GALNT13: variants seen among roughly 807,000 people sequenced by gnomAD.
GALNT13 encodes the protein UDP-GalNAc:polypeptide N-acetylgalactosaminyltransferase 13.
Under a neutral mutation model 64.2 loss-of-function variants are expected in GALNT13, and 28 were observed. The ratio of observed to expected loss-of-function variants is 0.44; its 90% CI spans 0.32 to 0.60. The LOEUF is 0.60. Ranked by LOEUF, GALNT13 falls within the 20% of genes least tolerant of loss-of-function variation. GALNT13 has a pLI of 0.05. For synonymous variants in GALNT13, 214 were observed against 224.6 expected (o/e 0.95, Z 0.42); for missense variants, 577 against 669.8 (o/e 0.86, Z 1.53).
chr2:154,229,543 C>G (rs1688805730), intron 4 of GALNT13, among the ~76,000 whole-genome samples: 1 of 152,012 alleles, frequency 6.6e-6, no homozygotes, highest in Non-Finnish European at 1.5e-5. Flanking sequence ...TGCCCAATAT[C>G]CTATTTATAT....
chr2:154,054,352 T>G (rs1233515258), intron 3 of GALNT13, among the ~76,000 whole-genome samples: 1 of 152,048 alleles, frequency 6.6e-6, no homozygotes, highest in East Asian at 1.9e-4. Flanking sequence ...TTCATTTTTA[T>G]TTTTATGTTA....
chr2:153,073,552 C>T, the GALNT13 span, among the ~76,000 whole-genome samples: 70,817 of 151,662 alleles, frequency 0.47, 17,311 homozygotes, highest in East Asian at 0.6. Flanking sequence ...ACTCATGTTT[C>T]ATCTATATCC....
At chr2:154,430,477 T>G (rs906929116) in intron 11 of GALNT13, among the ~76,000 whole-genome samples, 1 of 152,196 alleles carries the variant, frequency 6.6e-6, no homozygotes, top group Non-Finnish European at 1.5e-5. Flanking sequence ...GCTAAAACTT[T>G]AATGAATGAG....
the GALNT13 span, among the ~76,000 whole-genome samples, chr2:153,826,938 CAGAA>C: frequency 1.2e-4 from 18 of 151,970 alleles, no homozygotes. Context: ...CAGAATGAAA[CAGAA>C]GGAAGACAAA....
chr2:153,441,759 G>T, the GALNT13 span, among the ~76,000 whole-genome samples: 1 of 152,046 alleles, frequency 6.6e-6, no homozygotes, highest in Admixed American at 6.5e-5. Context: ...GTCTATTATT[G>T]GTATATAGGA....
chr2:154,383,249 TAGTG>T (rs1005962136), intron 9 of GALNT13, among the ~76,000 whole-genome samples: 2 of 151,964 alleles, frequency 1.3e-5, no homozygotes, highest in African/African-American at 2.4e-5. Context: ...GGGTAACATT[TAGTG>T]AGTATTTACT....
intron 2 of GALNT13, among the ~76,000 whole-genome samples, chr2:153,930,226 T>G (rs1178275412): frequency 6.6e-6 from 1 of 152,188 alleles, no homozygotes; most frequent in Non-Finnish European, 1.5e-5. Flanking sequence ...TCCTTATAGA[T>G]TCTGAATATT....
At chr2:153,411,176 TATA>T in the GALNT13 span, among the ~76,000 whole-genome samples, 22 of 86,026 alleles carry the variant, frequency 2.6e-4, no homozygotes, top group African/African-American at 3.8e-4. Context: ...TATATATATA[TATA>T]TTTTTTTTTT....
At chr2:153,694,395 G>T in the GALNT13 span, among the ~76,000 whole-genome samples, 1 of 152,070 alleles carries the variant, frequency 6.6e-6, no homozygotes, top group African/African-American at 2.4e-5. Context: ...CAACTAAAAA[G>T]TTCAGGACTG....
At chr2:154,439,558 G>A (rs1701177710) in intron 12 of GALNT13, among the ~76,000 whole-genome samples, 1 of 152,136 alleles carries the variant, frequency 6.6e-6, no homozygotes, top group South Asian at 2.1e-4. Context: ...AGAGGTAAAT[G>A]AGTCTCACAG....
At chr2:153,723,413 T>C in the GALNT13 span, among the ~76,000 whole-genome samples, 8 of 150,020 alleles carry the variant, frequency 5.3e-5, no homozygotes, top group African/African-American at 2.0e-4. Flanking sequence ...ATGCCCTCTC[T>C]CACCGCTCCT....
At chr2:153,389,227 T>C in the GALNT13 span, among the ~76,000 whole-genome samples, 1 of 152,130 alleles carries the variant, frequency 6.6e-6, no homozygotes, top group Non-Finnish European at 1.5e-5. Context: ...ACAGCCAATT[T>C]GAGAGCTACA....
chr2:153,846,959 G>A, the GALNT13 span, among the ~76,000 whole-genome samples: 1 of 151,928 alleles, frequency 6.6e-6, no homozygotes, highest in Admixed American at 6.6e-5. Context: ...TTTCTAGAAT[G>A]GACATACAAA....
At chr2:154,266,365 C>G (rs1441212620) in intron 8 of GALNT13, among the ~76,000 whole-genome samples, 1 of 151,978 alleles carries the variant, frequency 6.6e-6, no homozygotes, top group Non-Finnish European at 1.5e-5. Flanking sequence ...TCTACAAAAT[C>G]CAATGGAATC....
chr2:153,858,614 A>AT, the GALNT13 span, among the ~76,000 whole-genome samples: 3 of 152,152 alleles, frequency 2.0e-5, no homozygotes, highest in Non-Finnish European at 4.4e-5. Flanking sequence ...CAATTGCTCT[A>AT]TTTAATTATC....
chr2:153,945,006 C>T (rs1026546487), intron 3 of GALNT13, among the ~76,000 whole-genome samples: 1 of 152,090 alleles, frequency 6.6e-6, no homozygotes, highest in Non-Finnish European at 1.5e-5. Context: ...AACGGAAAAA[C>T]CACTAAAGTG....
intron 1 of GALNT13, among the ~76,000 whole-genome samples, chr2:153,872,780 C>G (rs1034028790): frequency 1.9e-4 from 29 of 152,262 alleles, no homozygotes; most frequent in Non-Finnish European, 2.9e-5. Context: ...CAGGCGCTCC[C>G]TGGGTCTTGG....
chr2:153,395,453 A>G, the GALNT13 span, among the ~76,000 whole-genome samples: 1 of 152,144 alleles, frequency 6.6e-6, no homozygotes, highest in Non-Finnish European at 1.5e-5. Context: ...CTGGACCTCC[A>G]GGGATATCCA....
At chr2:153,948,824 G>A (rs541847931) in intron 3 of GALNT13, among the ~76,000 whole-genome samples, 11 of 151,992 alleles carry the variant, frequency 7.2e-5, no homozygotes, top group Non-Finnish European at 1.6e-4. Context: ...TGGACACGTA[G>A]ACAGGAACAA....
Sources: gnomAD v4.1 joint callset for allele counts (sites outside exome capture counted in the v4.1 genomes callset) on GRCh38, gnomAD v4.1.1 for gene constraint, MANE v1.5 for transcripts, NCBI Gene and HGNC (gene_info 2026-07-23, HGNC 2026-07-21) for gene names.